The following DEFB134 variants were observed in gnomAD, a reference collection of about 807,000 sequenced individuals.
DEFB134 encodes the protein beta-defensin 134.
In DEFB134, 7 loss-of-function variants were observed where a neutral mutation model predicts 7.4. The ratio of observed to expected loss-of-function variants is 0.95; its 90% CI spans 0.54 to 1.79. The LOEUF is 1.79. DEFB134 is among the 40% of genes most tolerant of loss of function. The pLI is 0.00. For synonymous variants in DEFB134, 33 were observed against 25.0 expected, an observed-to-expected ratio of 1.32 and a Z score of -0.96; for missense variants, 105 against 74.8, an observed-to-expected ratio of 1.40 and a Z score of -1.49.
upstream of DEFB134, chr8:11,996,352 A>C: frequency 5.2e-6 from 7 of 1,341,286 alleles, no homozygotes; most frequent in Non-Finnish European, 7.4e-6. Context: ...CAAACCTCTC[A>C]GGGCTGGGGT....
chr8:11,994,161 C>A (rs1800057897), intron 1 of DEFB134, 39 bp from the exon 3 acceptor site: 2 of 1,567,988 alleles, frequency 1.3e-6, no homozygotes, highest in Admixed American at 1.9e-5. Context: ...TCACTACAGG[C>A]CTTTTTGGAC....
chr8:11,997,393 T>C (rs562522809), upstream of DEFB134, among the ~76,000 whole-genome samples: 3 of 152,318 alleles, frequency 2.0e-5, no homozygotes, highest in South Asian at 4.1e-4. Flanking sequence ...GTACAAGTCA[T>C]GGTATGGATA....
chr8:11,998,774 T>A (rs561028811), upstream of DEFB134, among the ~76,000 whole-genome samples: 11 of 152,040 alleles, frequency 7.2e-5, no homozygotes, highest in East Asian at 3.9e-4. Flanking sequence ...AAAGAATGAA[T>A]AAGTCTGCTT....
chr8:11,997,857 T>C (rs1213550266), upstream of DEFB134, among the ~76,000 whole-genome samples: 1 of 152,198 alleles, frequency 6.6e-6, no homozygotes, highest in East Asian at 1.9e-4. Context: ...AACTCAACAC[T>C]TGACCAAATG....
At chr8:12,000,575 T>C (rs1209079401), upstream of DEFB134, among the ~76,000 whole-genome samples, 1 of 152,180 alleles carries the variant, frequency 6.6e-6, no homozygotes, top group Non-Finnish European at 1.5e-5. Flanking sequence ...ATGATAAAGT[T>C]AAATTTATAA....
rs748400466 is a variant in DEFB134, at chr8:11,996,186, A to C, written c.58+8T>G. The C allele has an allele frequency of 6.2e-7, 1 of 1,613,644 alleles. No individual in the cohort carries two copies. Among genetic ancestry groups the C allele is most frequent in the South Asian group, 1.1e-5 (1 of 91,056 alleles). ...GCACCCCTACCCCCCAAAATATGCC[A>C]GTTTTACCTGCCAGCACTGGATCCC... On this transcript the variant is annotated splice_region_variant and intron_variant, in intron 1 of 1. Transcript: ENST00000526438.
At chr8:12,000,554 C>T (rs1238204503), upstream of DEFB134, among the ~76,000 whole-genome samples, 2 of 152,092 alleles carry the variant, frequency 1.3e-5, no homozygotes, top group Non-Finnish European at 2.9e-5. Flanking sequence ...TTTTTCTATA[C>T]ATGCAGACCT....
At chr8:11,996,377 G>GCA (rs1800124284), upstream of DEFB134, 5 of 1,017,940 alleles carry the variant, frequency 4.9e-6, no homozygotes, top group African/African-American at 8.0e-5. Context: ...CTCGCTTCAG[G>GCA]TAGATATGCT....
upstream of DEFB134, among the ~76,000 whole-genome samples, chr8:12,000,017 G>C (rs532952626): frequency 1.4e-4 from 22 of 152,258 alleles, 1 homozygote; most frequent in African/African-American, 4.8e-4. Context: ...TTCCTGATCT[G>C]TGGTTGTTCT....
At chr8:11,993,963 T>A in exon 2 of DEFB134, 1 of 1,609,662 alleles carries the variant, frequency 6.2e-7, no homozygotes, top group Admixed American at 1.7e-5. Flanking sequence ...ATAGTGGCCA[T>A]TCATTGGTTT....
upstream of DEFB134, among the ~76,000 whole-genome samples, chr8:11,997,474 A>G (rs1800157877): frequency 6.6e-6 from 1 of 152,216 alleles, no homozygotes; most frequent in African/African-American, 2.4e-5. Context: ...GTTGTCATCA[A>G]GAGATCTCAC....
At chr8:11,996,355 G>C (rs1800123791), upstream of DEFB134, 3 of 1,281,858 alleles carry the variant, frequency 2.3e-6, no homozygotes, top group African/African-American at 4.4e-5. Context: ...ACCTCTCAGG[G>C]CTGGGGTATG....
chr8:11,998,897 T>G (rs759960114), upstream of DEFB134, among the ~76,000 whole-genome samples: 2 of 152,124 alleles, frequency 1.3e-5, no homozygotes, highest in African/African-American at 2.4e-5. Flanking sequence ...TCAGAGACTA[T>G]TAGGAGCATC....
At chr8:11,993,741 C>T (rs145765602) in exon 2 of DEFB134, 4 of 426,766 alleles carry the variant, frequency 9.4e-6, no homozygotes, top group Non-Finnish European at 1.6e-5. Context: ...CTGGACATCA[C>T]GTTGAGGTGA....
chr8:11,996,356 C>T, upstream of DEFB134: 2 of 1,287,906 alleles, frequency 1.6e-6, no homozygotes, highest in Non-Finnish European at 2.2e-6. Flanking sequence ...CCTCTCAGGG[C>T]TGGGGTATGC....
At chr8:11,997,071 C>T (rs1343930737), upstream of DEFB134, among the ~76,000 whole-genome samples, 2 of 152,278 alleles carry the variant, frequency 1.3e-5, no homozygotes. Flanking sequence ...ATATTCCCCT[C>T]CTGATTCTCT....
upstream of DEFB134, among the ~76,000 whole-genome samples, chr8:11,999,749 T>C (rs1412570260): frequency 6.6e-6 from 1 of 152,198 alleles, no homozygotes; most frequent in Non-Finnish European, 1.5e-5. Context: ...TCACTGTAGG[T>C]GCCACGAGTT....
exon 2 of DEFB134, chr8:11,993,839 G>A (rs1176686728): frequency 2.6e-6 from 3 of 1,133,444 alleles, no homozygotes; most frequent in Non-Finnish European, 3.6e-6. Flanking sequence ...GACCACAAGA[G>A]TCTGCTGGCC....
chr8:11,999,304 A>C (rs1012048560), upstream of DEFB134: 2 of 218,908 alleles, frequency 9.1e-6, no homozygotes, highest in African/African-American at 4.7e-5. Context: ...TCACTCTGAG[A>C]AAAAAAGACC....
Sources: allele counts gnomAD v4.1 joint callset (sites outside exome capture counted in the v4.1 genomes callset), GRCh38; gene constraint gnomAD v4.1.1; transcripts MANE v1.5; gene names NCBI Gene and HGNC (gene_info 2026-07-23, HGNC 2026-07-21).